PIEZO2: variants seen among roughly 807,000 people sequenced by gnomAD.
The protein encoded by PIEZO2 is piezo type mechanosensitive ion channel component 2.
In PIEZO2, 172 loss-of-function variants were observed where a neutral mutation model predicts 337.3. The ratio of observed to expected loss-of-function variants is 0.51; its 90% CI spans 0.45 to 0.58. The LOEUF is 0.58. PIEZO2 is among the 20% of genes least tolerant of loss of function. PIEZO2 has a pLI of 0.00. For missense variants in PIEZO2, 3,028 were observed against 3,391.3 expected (o/e 0.89, Z 2.66); for synonymous variants, 1,251 against 1,228.5 (o/e 1.02, Z -0.38).
At chr18:10,721,779 T>A (rs528281658) in intron 36 of PIEZO2, among the ~76,000 whole-genome samples, 16 of 152,142 alleles carry the variant, frequency 1.1e-4, no homozygotes, top group African/African-American at 3.9e-4. Flanking sequence ...AGGAAAAGGA[T>A]GAATCATCTT....
intron 15 of PIEZO2, 30 bp from the exon 16 acceptor site, chr18:10,787,214 G>T (rs2039255230): frequency 6.7e-7 from 1 of 1,481,974 alleles, no homozygotes. Context: ...AAAAAAAAAT[G>T]AGAAAAAATC....
intron 3 of PIEZO2, among the ~76,000 whole-genome samples, chr18:10,964,726 A>C (rs575667932): frequency 1.3e-5 from 2 of 152,264 alleles, no homozygotes; most frequent in East Asian, 3.9e-4. Flanking sequence ...AATCCAGAGA[A>C]ACACTCCTAC....
intron 13 of PIEZO2, among the ~76,000 whole-genome samples, chr18:10,792,552 TG>T (rs1310079194): frequency 1.3e-5 from 2 of 152,246 alleles, no homozygotes; most frequent in Non-Finnish European, 2.9e-5. Flanking sequence ...ATAAATGGAT[TG>T]TTTTTACTTA....
In PIEZO2 at chr18:10,752,845, T is replaced by C; in HGVS notation, c.3958A>G (p.Ser1320Gly). Residue 1320 changes from serine (S) to glycine (G), a missense_variant, in exon 28 of 56, where the codon AGC becomes GGC. This residue lies in a region of PIEZO2 where 1,925 missense variants were observed against 2,051.9 expected (regional missense o/e 0.94). Transcript: ENST00000674853. ...YLDMSKVIIF[S>G]YLFWFVLTII... ...GTGAGCACAAACCAGAAGAGGTAGC[T>C]GAAGATGATCACTTTGGACATGTCT... 1.3e-6 allele frequency: 2 copies of C among 1,537,012 alleles called. No homozygotes were observed. The highest frequency in any genetic ancestry group is 2.4e-5 in the East Asian group (1 of 40,910).
rs1021853104 is a variant in PIEZO2 at position 10,765,134 on chromosome 18, G to C, written c.2947-2036C>G. On this transcript the variant is annotated intron_variant, in intron 21 of 55. Coordinates refer to ENST00000674853, the MANE Select transcript of PIEZO2 (RefSeq NM_001378183.1). ...CCCTGAGGATTCCCTGCCCGCAGGA[G>C]GCATGTGGGAGGGACAGATGGAGGC... Among the ~76,000 whole-genome samples, 5 of 152,236 alleles carry C rather than the reference G, an allele frequency of 3.3e-5. No individual in the cohort carries two copies. In the South Asian group the frequency reaches 1.0e-3, roughly 32 times the overall value.
rs750906972 is a variant in PIEZO2 at position 10,773,618 on chromosome 18, G to A, written c.2579C>T (p.Pro860Leu). 2.0e-5 allele frequency: 31 copies of A among 1,537,148 alleles called. No individual in the cohort carries two copies. Among genetic ancestry groups the A allele is most frequent in the East Asian group, 9.8e-5 (4 of 40,934 alleles). Residue 860 changes from proline (P) to leucine (L), a missense_variant, in exon 20 of 56, where the codon CCG becomes CTG. By Grantham distance (98) the Pro-to-Leu change is moderately conservative. Transcript: ENST00000674853. This position sits in a 1 kb window ranked among gnomAD's most constrained non-coding sequence, Gnocchi z 5.3. Reference sequence around the variant, plus strand: ...GGTGAGGTCCGGGAGGCTTCCTTCCGGGTGGGCCAGTCTGTTGGCAGAGAG... The same window carrying A: ...GGTGAGGTCCGGGAGGCTTCCTTCCAGGTGGGCCAGTCTGTTGGCAGAGAG... Reference protein sequence around the residue: ...LPIHQNELAHPEGSLPDLTMM... With the variant: ...LPIHQNELAHLEGSLPDLTMM...
In PIEZO2 at chr18:10,846,398, G is replaced by C. The variant is rs2041364444; in HGVS notation, c.917+8955C>G. On this transcript the variant is annotated intron_variant, in intron 7 of 55. Coordinates refer to ENST00000674853, the MANE Select transcript of PIEZO2 (RefSeq NM_001378183.1). The surrounding 1 kb of genome is among the most constrained non-coding windows in gnomAD (Gnocchi z 4.1). ...TCCCACCGGGGATGAGATTTGGGTGGGGTCATAGCAAAACCTATCACTTAG... is the reference window on the plus strand; with the variant it reads ...TCCCACCGGGGATGAGATTTGGGTGCGGTCATAGCAAAACCTATCACTTAG... Among the ~76,000 whole-genome samples the C allele has an allele frequency of 6.6e-6, 1 of 152,150 alleles. No homozygotes were observed. The highest frequency in any genetic ancestry group is 2.4e-5 in the African/African-American group (1 of 41,434).
At chr18:11,020,050 A>G (rs867090816) in intron 2 of PIEZO2, among the ~76,000 whole-genome samples, 12 of 152,314 alleles carry the variant, frequency 7.9e-5, no homozygotes, top group Middle Eastern at 3.4e-3. Context: ...CTTTAAAAAA[A>G]TTGTATATGA....
At chr18:11,106,418 C>CTTT (rs539595699) in intron 1 of PIEZO2, among the ~76,000 whole-genome samples, 1,697 of 129,574 alleles carry the variant, frequency 0.013, 59 homozygotes, top group African/African-American at 0.046. Context: ...TTTCCTCTCT[C>CTTT]TTTTTTTTTT....
chr18:11,024,061 C>T (rs1336216311), intron 2 of PIEZO2, among the ~76,000 whole-genome samples: 2 of 152,202 alleles, frequency 1.3e-5, no homozygotes, highest in East Asian at 3.9e-4. Flanking sequence ...AGGGAGCTGG[C>T]TCCGGCCTTG....
chr18:11,039,892 A>G (rs1232997745), intron 2 of PIEZO2, among the ~76,000 whole-genome samples: 1 of 152,154 alleles, frequency 6.6e-6, no homozygotes, highest in Admixed American at 6.5e-5. Flanking sequence ...ATTCTTACGA[A>G]AAGGAAATAC....
At position 10,789,250 on chromosome 18, in the gene PIEZO2, T is replaced by G. The variant is rs1031198385; in HGVS notation, c.1998A>C (p.Glu666Asp). 8 of 1,537,240 alleles carry G rather than the reference T, an allele frequency of 5.2e-6. No individual in the cohort carries two copies. The African/African-American group carries it at 1.1e-4, about 21-fold the overall frequency. Residue 666 changes from glutamate to aspartate, a missense_variant, in exon 15 of 56, where the codon GAA (glutamate) becomes GAC (aspartate). Physicochemically the swap from Glu to Asp is conservative, Grantham distance 45 (BLOSUM62 2). This residue lies in a region of PIEZO2 where 1,925 missense variants were observed against 2,051.9 expected (regional missense o/e 0.94). Transcript: ENST00000674853. ...GGACTTTCATGATGTCCTGCTCATC[T>G]TCTTCTTCAGCTTCCTCTTGCTCTA... ...KKVEQEEAEE[E>D]DEQDIMKVLG...
intron 2 of PIEZO2, among the ~76,000 whole-genome samples, chr18:10,997,680 GAGTT>G (rs1383120199): frequency 1.3e-5 from 2 of 152,106 alleles, no homozygotes; most frequent in African/African-American, 4.8e-5. Context: ...GACAAAAAAT[GAGTT>G]AGTAATGATG....
chr18:11,025,638 G>T (rs1306320094), intron 2 of PIEZO2, among the ~76,000 whole-genome samples: 1 of 152,156 alleles, frequency 6.6e-6, no homozygotes, highest in South Asian at 2.1e-4. Context: ...GGAATGAAAA[G>T]ATTCTCTCTG....
rs2034637501 is a variant in PIEZO2, at chr18:10,980,885, G to A, written c.161-1225C>T. On this transcript the variant is annotated intron_variant, in intron 2 of 55. Coordinates refer to ENST00000674853, the MANE Select transcript of PIEZO2 (RefSeq NM_001378183.1). The surrounding 1 kb of genome is among the most constrained non-coding windows in gnomAD (Gnocchi z 4.8). ...GATGTCATGAAAGTCCATAATCAAAGTGGTTAACTAAGGGAGACTATCCTC... is the reference window on the plus strand; with the variant it reads ...GATGTCATGAAAGTCCATAATCAAAATGGTTAACTAAGGGAGACTATCCTC... Among the ~76,000 whole-genome samples, 1 of 152,154 alleles carries A rather than the reference G, an allele frequency of 6.6e-6. No individual in the cohort carries two copies. Among genetic ancestry groups the A allele is most frequent in the Non-Finnish European group, 1.5e-5 (1 of 68,022 alleles).
At chr18:10,730,324 T>C (rs936643902) in intron 36 of PIEZO2, among the ~76,000 whole-genome samples, 1 of 152,258 alleles carries the variant, frequency 6.6e-6, no homozygotes, top group African/African-American at 2.4e-5. Flanking sequence ...TATGTCAGAA[T>C]ATTTCATTTG....
chr18:10,830,839 A>C lies in PIEZO2; in HGVS notation c.918-23565T>G, dbSNP rs534545517. 6.6e-6 allele frequency among the ~76,000 whole-genome samples: 1 copy of C among 152,360 alleles called. No individual in the cohort carries two copies. The highest frequency in any genetic ancestry group is 2.1e-4 in the South Asian group (1 of 4,832). ...AGTTCAAACAATTCAATAGGAAAAA[A>C]AATCTAATAATCTGGTTAAAAATTT... On this transcript the variant is annotated intron_variant, in intron 7 of 55. Coordinates refer to ENST00000674853, the MANE Select transcript of PIEZO2 (RefSeq NM_001378183.1). The surrounding 1 kb of genome is among the most constrained non-coding windows in gnomAD (Gnocchi z 4.7).
rs2040747066 is a variant in PIEZO2 at position 10,828,490 on chromosome 18, C to T, written c.918-21216G>A. On this transcript the variant is annotated intron_variant, in intron 7 of 55. Coordinates refer to ENST00000674853, the MANE Select transcript of PIEZO2 (RefSeq NM_001378183.1). This position sits in a 1 kb window ranked among gnomAD's most constrained non-coding sequence, Gnocchi z 4.1. ...ATTCATGTTTTCCTTCCATTGTTTC[C>T]TAAATGACCCTGGAAAAAACTGAAA... 6.6e-6 allele frequency among the ~76,000 whole-genome samples: 1 copy of T among 151,900 alleles called. No individual in the cohort carries two copies. Among genetic ancestry groups the T allele is most frequent in the East Asian group, 1.9e-4 (1 of 5,194 alleles).
intron 47 of PIEZO2, among the ~76,000 whole-genome samples, chr18:10,693,348 T>C (rs2034934555): frequency 8.5e-6 from 1 of 118,332 alleles, no homozygotes; most frequent in Non-Finnish European, 1.7e-5. Context: ...TGCTTTCCAA[T>C]CTGGATTTTG....
Sources: allele counts gnomAD v4.1 joint callset (sites outside exome capture counted in the v4.1 genomes callset), GRCh38; gene constraint gnomAD v4.1.1; regional missense constraint gnomAD v4.1.1; non-coding constraint Gnocchi (gnomAD v3.1); transcripts MANE v1.5; gene names NCBI Gene and HGNC (gene_info 2026-07-23, HGNC 2026-07-21).